Variants in TENT5C observed in about 807,000 individuals in gnomAD.
The protein encoded by TENT5C is family with sequence similarity 46 member C.
In TENT5C, 5 loss-of-function variants were observed where a neutral mutation model predicts 22.2. The observed-to-expected ratio is 0.22, with a 90% CI of 0.12 to 0.47. The LOEUF (loss-of-function observed/expected upper bound fraction) is 0.47, where lower values mean the gene tolerates loss of function less well. TENT5C is among the 20% of genes least tolerant of loss of function. The pLI is 0.99. For synonymous variants in TENT5C, 199 were observed against 195.4 expected (o/e 1.02, Z -0.15); for missense variants, 364 against 500.9 (o/e 0.73, Z 2.61).
chr1:117,625,652 C>T lies in TENT5C; in HGVS notation c.*1608C>T, dbSNP rs1570866345. 3 of 247,964 alleles carry T rather than the reference C, an allele frequency of 1.2e-5. No individual in the cohort carries two copies. The highest frequency in any genetic ancestry group is 5.6e-5 in the Admixed American group (1 of 17,780). The allele number at this position is 247,964 out of a possible 1,614,324, so 15.4% of individuals were successfully genotyped here. ...TCCTTTGGCTATGAAAACCCAAAGC[C>T]CGGAGTGATTGTTTTCTCCTTGCTT... On this transcript the variant is annotated 3_prime_UTR_variant, in exon 2 of 2. Transcript: ENST00000369448.
Position 117,622,163 on chromosome 1 carries a change from C to T in TENT5C, c.-27-679C>T, listed in dbSNP as rs183309961. The stretch of plus-strand genomic sequence containing the variant: ...TTGGTTCTACCCTAGATGACAAGTA[C>T]TTGTTAGGATAGACTTCTCCTATAA... On this transcript the variant is annotated intron_variant, in intron 1 of 1. Transcript: ENST00000369448. Among the ~76,000 whole-genome samples the T allele has an allele frequency of 1.1e-4, 16 of 152,240 alleles. No homozygotes were observed. The East Asian group carries it at 3.1e-3, about 29-fold the overall frequency.
intron 1 of TENT5C, among the ~76,000 whole-genome samples, chr1:117,613,791 A>G (rs1156331936): frequency 6.6e-6 from 1 of 152,222 alleles, no homozygotes; most frequent in Non-Finnish European, 1.5e-5. Context: ...TGGAGCTGAG[A>G]GTGAGAAAAG....
At chr1:117,606,505 G>A (rs2101070339) in intron 1 of TENT5C, among the ~76,000 whole-genome samples, 1 of 152,334 alleles carries the variant, frequency 6.6e-6, no homozygotes, top group East Asian at 1.9e-4. Flanking sequence ...CGCGGGCAGG[G>A]CGTCTGAAGA....
intron 1 of TENT5C, among the ~76,000 whole-genome samples, chr1:117,608,228 A>T (rs1333943199): frequency 2.0e-5 from 3 of 152,176 alleles, no homozygotes; most frequent in East Asian, 1.9e-4. Context: ...GTATCCAGGG[A>T]TTAAATTCAT....
intron 1 of TENT5C, among the ~76,000 whole-genome samples, chr1:117,608,632 T>C (rs1322649065): frequency 6.6e-6 from 1 of 152,204 alleles, no homozygotes; most frequent in Non-Finnish European, 1.5e-5. Flanking sequence ...TTTAAAAAAC[T>C]TTTTTTGTTG....
At chr1:117,622,259 A>AT (rs1653909102) in intron 1 of TENT5C, among the ~76,000 whole-genome samples, 1 of 151,840 alleles carries the variant, frequency 6.6e-6, no homozygotes, top group African/African-American at 2.4e-5. Flanking sequence ...ATTCCCACTT[A>AT]TTGGTGAGAT....
At chr1:117,620,115 A>T (rs1164882411) in intron 1 of TENT5C, among the ~76,000 whole-genome samples, 1 of 152,222 alleles carries the variant, frequency 6.6e-6, no homozygotes, top group African/African-American at 2.4e-5. Context: ...AAAAAGGCTC[A>T]TAGCTTCCAG....
intron 1 of TENT5C, among the ~76,000 whole-genome samples, chr1:117,612,532 T>G (rs1653692288): frequency 6.6e-6 from 1 of 152,052 alleles, no homozygotes; most frequent in Non-Finnish European, 1.5e-5. Context: ...CAAGTCAAAG[T>G]GTTTGAGCTG....
At position 117,623,687 on chromosome 1, in the gene TENT5C, G is replaced by A. The variant is rs1308942228; in HGVS notation, c.819G>A (p.Arg273=). The A allele has an allele frequency of 6.2e-7, 1 of 1,613,954 alleles. No homozygotes were observed. The highest frequency in any genetic ancestry group is 1.3e-5 in the African/African-American group (1 of 74,900). The change falls in exon 2 of 2, where the codon AGG becomes AGA. Residue 273 remains arginine (R), a synonymous_variant. Coordinates refer to ENST00000369448, the MANE Select transcript of TENT5C (RefSeq NM_017709.4). The part of the protein sequence containing the change: ...IKTLERYMCS[R]FFIDFPDILE... ...CTCTAGAGCGCTACATGTGCTCCAG[G>A]TTCTTCATCGACTTCCCGGACATCC...
In TENT5C at chr1:117,613,465, A is replaced by G. The variant is rs531530421; in HGVS notation, c.-28+7312A>G. On this transcript the variant is annotated intron_variant, in intron 1 of 1. Coordinates refer to ENST00000369448, the MANE Select transcript of TENT5C (RefSeq NM_017709.4). ...CCACCCACACTTGCCCAAGCATCCT[A>G]TTTTCAAAGGTGGGAAAGAGCTTTC... is the stretch of plus-strand genomic sequence containing the variant. Among the ~76,000 whole-genome samples, 15 of 152,112 alleles carry G rather than the reference A, an allele frequency of 9.9e-5. 1 individual carries two copies. The highest frequency in any genetic ancestry group is 3.6e-4 in the African/African-American group (15 of 41,476).
rs1653953949 is a variant in TENT5C at position 117,623,938 on chromosome 1, A to G, written c.1070A>G (p.Tyr357Cys). ...AGTGCCACCAACGTCACCTGTTACT[A>G]CCAGCCGGCCCCTTACGTCAGTGAT... The part of the protein sequence containing the change: ...IPSATNVTCY[Y>C]QPAPYVSDGN... The change falls in exon 2 of 2, where the codon TAC (tyrosine) becomes TGC (cysteine). Residue 357 changes from tyrosine to cysteine, a missense_variant. Physicochemically the swap from Tyr to Cys is radical, Grantham distance 194. This residue lies in a region of TENT5C where 54 missense variants were observed against 76.5 expected (regional missense o/e 0.71). Transcript: ENST00000369448. The G allele has an allele frequency of 1.2e-6, 2 of 1,613,874 alleles. No individual in the cohort carries two copies. Among genetic ancestry groups the G allele is most frequent in the Admixed American group, 1.7e-5 (1 of 59,982 alleles).
chr1:117,623,914 G>A lies in TENT5C; in HGVS notation c.1046G>A (p.Ser349Asn), dbSNP rs1355458797. 3.1e-6 allele frequency: 5 copies of A among 1,614,004 alleles called. No individual in the cohort carries two copies. Among genetic ancestry groups the A allele is most frequent in the Non-Finnish European group, 4.2e-6 (5 of 1,180,036 alleles). ...CTGGCGGAACAAAACATCATCCCCA[G>A]TGCCACCAACGTCACCTGTTACTAC... ...RVLAEQNIIP[S>N]ATNVTCYYQP... Residue 349 changes from serine (S) to asparagine (N), a missense_variant, in exon 2 of 2, where the codon AGT becomes AAT. Physicochemically the swap from Ser to Asn is conservative, Grantham distance 46. This residue lies in a region of TENT5C where 54 missense variants were observed against 76.5 expected (regional missense o/e 0.71). Coordinates refer to ENST00000369448, the MANE Select transcript of TENT5C (RefSeq NM_017709.4).
In TENT5C at chr1:117,625,089, T is replaced by A; in HGVS notation, c.*1045T>A. ...CTTCTGGAGTACTTTAGCTATTTTT[T>A]GTTTTTGTTCTTTTCGTTTTTTTTT... On this transcript the variant is annotated 3_prime_UTR_variant, in exon 2 of 2. Coordinates refer to ENST00000369448, the MANE Select transcript of TENT5C (RefSeq NM_017709.4). 4.0e-6 allele frequency: 1 copy of A among 247,104 alleles called. No homozygotes were observed. 15.3% of individuals were successfully genotyped at this position (247,104 alleles called of 1,614,324 possible). A position where few individuals can be genotyped will look rare whatever the true frequency, so the allele number is the denominator to read the frequency against.
intron 1 of TENT5C, among the ~76,000 whole-genome samples, chr1:117,611,566 G>A (rs1156657919): frequency 6.6e-6 from 1 of 152,192 alleles, no homozygotes; most frequent in Admixed American, 6.5e-5. Flanking sequence ...TTTGGCCAGG[G>A]GCAGTGACTC....
At chr1:117,606,204 C>T (rs911187464) in intron 1 of TENT5C, 51 bp downstream of exon 1, 4 of 152,190 alleles carry the variant, frequency 2.6e-5, no homozygotes, top group Non-Finnish European at 5.9e-5. Context: ...GGCAGCAGCC[C>T]CAGGGAGCCG....
At chr1:117,610,027 C>G (rs527399999) in intron 1 of TENT5C, among the ~76,000 whole-genome samples, 1 of 152,290 alleles carries the variant, frequency 6.6e-6, no homozygotes, top group East Asian at 1.9e-4. Flanking sequence ...CCATCCTTCC[C>G]ACCCTCCCTG....
Position 117,624,893 on chromosome 1 carries a change from C to CT in TENT5C, c.*857dup, listed in dbSNP as rs1056087192. On this transcript the variant is annotated 3_prime_UTR_variant, in exon 2 of 2. Coordinates refer to ENST00000369448, the MANE Select transcript of TENT5C (RefSeq NM_017709.4). The stretch of plus-strand genomic sequence containing the variant: ...GAATTCTTATTAAATGGCTCCCTGC[C>CT]TTTTTTTTCTTTTTTCCTCATCAGC... The CT allele has an allele frequency of 7.3e-5, 18 of 247,228 alleles. No homozygotes were observed. Among genetic ancestry groups the CT allele is most frequent in the Non-Finnish European group, 1.2e-4 (14 of 117,846 alleles). The allele number at this position is 247,228 out of a possible 1,614,324, so 15.3% of individuals were successfully genotyped here.
intron 1 of TENT5C, among the ~76,000 whole-genome samples, chr1:117,617,202 CT>C (rs199629223): frequency 0.041 from 6,086 of 146,942 alleles, 168 homozygotes; most frequent in East Asian, 0.14. Context: ...CTAGAAATAG[CT>C]TTTTTTTTTT....
rs1654030517 is a variant in TENT5C at position 117,627,147 on chromosome 1, TGCTTA to T, written c.*3105_*3109del. The T allele has an allele frequency of 4.0e-6, 1 of 248,100 alleles. No homozygotes were observed. The highest frequency in any genetic ancestry group is 8.5e-6 in the Non-Finnish European group (1 of 118,160). The allele number at this position is 248,100 out of a possible 1,614,324, so 15.4% of individuals were successfully genotyped here. A position where few individuals can be genotyped will look rare whatever the true frequency, so the allele number is the denominator to read the frequency against. The stretch of plus-strand genomic sequence containing the variant: ...GGGGTGAGTTGGGTAAGGAAGATGA[TGCTTA>T]GTTCCTGATAGATGCTACAGATGTA... On this transcript the variant is annotated 3_prime_UTR_variant, in exon 2 of 2. Transcript: ENST00000369448.
Sources: gnomAD v4.1 joint callset for allele counts (sites outside exome capture counted in the v4.1 genomes callset) on GRCh38, gnomAD v4.1.1 for gene constraint, gnomAD v4.1.1 regional missense constraint, MANE v1.5 for transcripts, NCBI Gene and HGNC (gene_info 2026-07-23, HGNC 2026-07-21) for gene names.